The following TSHZ3 variants were observed in gnomAD, a reference collection of about 807,000 sequenced individuals.
The protein encoded by TSHZ3 is teashirt homolog 3.
TSHZ3 carries 10 observed loss-of-function variants against 64.5 expected under a neutral mutation model. The observed-to-expected ratio is 0.16, with a 90% CI of 0.10 to 0.26. The LOEUF (loss-of-function observed/expected upper bound fraction) is 0.26, where lower values mean the gene tolerates loss of function less well. TSHZ3 is among the 10% of genes least tolerant of loss of function. TSHZ3 has a pLI of 1.00. For missense variants in TSHZ3, 1,242 were observed against 1,421.7 expected (o/e 0.87, Z 2.03); for synonymous variants, 608 against 593.1 (o/e 1.03, Z -0.36).
chr19:31,317,617 C>T (rs1916639798), intron 1 of TSHZ3, among the ~76,000 whole-genome samples: 3 of 152,190 alleles, frequency 2.0e-5, no homozygotes, highest in Admixed American at 2.0e-4. Flanking sequence ...TAAGGTGCAC[C>T]AAGCCAGGTG....
intron 1 of TSHZ3, among the ~76,000 whole-genome samples, chr19:31,268,357 C>A (rs1024959333): frequency 2.6e-5 from 4 of 152,256 alleles, no homozygotes; most frequent in African/African-American, 9.6e-5. Flanking sequence ...TCTCATGAAA[C>A]CAGAGCCCCA....
At chr19:31,285,575 G>A (rs747606854) in intron 1 of TSHZ3, among the ~76,000 whole-genome samples, 7 of 151,508 alleles carry the variant, frequency 4.6e-5, no homozygotes, top group African/African-American at 1.7e-4. Context: ...CTGAGCTCAG[G>A]AGATTGAGAC....
At chr19:31,213,796 C>T (rs536468418) in intron 4 of TSHZ3, among the ~76,000 whole-genome samples, 5 of 152,300 alleles carry the variant, frequency 3.3e-5, no homozygotes, top group African/African-American at 7.2e-5. Context: ...TGGCACTTAG[C>T]GCACGTTTGG....
chr19:31,271,692 G>T (rs1362571560), downstream of TSHZ3, among the ~76,000 whole-genome samples: 2 of 152,186 alleles, frequency 1.3e-5, no homozygotes. Flanking sequence ...ATGCTGAAAG[G>T]CATCCACCAG....
chr19:31,349,914 CGGCCCCA>C (rs1054092058), upstream of TSHZ3, among the ~76,000 whole-genome samples: 2 of 146,726 alleles, frequency 1.4e-5, no homozygotes, highest in African/African-American at 4.9e-5. Context: ...CCCCCGCCCC[CGGCCCCA>C]GGCCCGCGTG....
chr19:31,233,544 T>G (rs954451550), intron 3 of TSHZ3, among the ~76,000 whole-genome samples: 2 of 152,208 alleles, frequency 1.3e-5, no homozygotes. Context: ...GTTTGTTATG[T>G]CTTTTTCTTG....
At chr19:31,247,356 T>G (rs538985692) in intron 1 of TSHZ3, among the ~76,000 whole-genome samples, 1 of 152,142 alleles carries the variant, frequency 6.6e-6, no homozygotes, top group Non-Finnish European at 1.5e-5. Context: ...CAAAGCTACA[T>G]CTTGTGCCCC....
intron 1 of TSHZ3, among the ~76,000 whole-genome samples, chr19:31,329,485 T>A (rs1020621840): frequency 6.6e-6 from 1 of 152,158 alleles, no homozygotes; most frequent in Non-Finnish European, 1.5e-5. Flanking sequence ...TTAGGCAGAG[T>A]GGAGGCATCT....
intron 1 of TSHZ3, among the ~76,000 whole-genome samples, chr19:31,293,088 T>A (rs1976602502): frequency 6.6e-6 from 1 of 151,452 alleles, no homozygotes. Flanking sequence ...AATCCATCCA[T>A]CCATCCATCC....
chr19:31,325,498 A>T lies in TSHZ3; in HGVS notation c.40+23682T>A, dbSNP rs1301870353. On this transcript the variant is annotated intron_variant, in intron 1 of 1. Transcript: ENST00000240587. Reference sequence around the variant, plus strand: ...TTCTGGGTGCCTGCTGAGCGAGAGAAGGGGTTGCTGACTGTGATGCTGTCC... The same window carrying T: ...TTCTGGGTGCCTGCTGAGCGAGAGATGGGGTTGCTGACTGTGATGCTGTCC... 2.0e-5 allele frequency among the ~76,000 whole-genome samples: 3 copies of T among 152,182 alleles called. No homozygotes were observed. In the East Asian group the frequency reaches 5.8e-4, roughly 29 times the overall value.
intron 3 of TSHZ3, among the ~76,000 whole-genome samples, chr19:31,241,099 C>T (rs994127096): frequency 1.3e-5 from 2 of 152,172 alleles, no homozygotes; most frequent in African/African-American, 4.8e-5. Flanking sequence ...ACACTGCACA[C>T]CACAGATTAT....
At chr19:31,317,941 C>T (rs1485886756) in intron 1 of TSHZ3, among the ~76,000 whole-genome samples, 1 of 152,214 alleles carries the variant, frequency 6.6e-6, no homozygotes, top group African/African-American at 2.4e-5. Context: ...CATTCGGCTG[C>T]AGGACTGTAA....
intron 5 of TSHZ3, among the ~76,000 whole-genome samples, chr19:31,196,722 C>T (rs1974999137): frequency 1.3e-5 from 2 of 151,830 alleles, no homozygotes; most frequent in South Asian, 4.2e-4. Flanking sequence ...TAAAGAATGG[C>T]ATTGCATAAT....
intron 5 of TSHZ3, among the ~76,000 whole-genome samples, chr19:31,171,215 C>T (rs903463691): frequency 2.6e-5 from 4 of 152,090 alleles, no homozygotes; most frequent in Admixed American, 6.6e-5. Context: ...TATTTGTTTG[C>T]CATTGTCCTG....
At chr19:31,342,731 C>A (rs953294713) in intron 1 of TSHZ3, among the ~76,000 whole-genome samples, 2 of 152,180 alleles carry the variant, frequency 1.3e-5, no homozygotes, top group African/African-American at 4.8e-5. Context: ...CCTTTGCTCT[C>A]CATTAAGGAT....
chr19:31,342,811 T>C (rs1784890079), intron 1 of TSHZ3, among the ~76,000 whole-genome samples: 1 of 152,228 alleles, frequency 6.6e-6, no homozygotes, highest in African/African-American at 2.4e-5. Context: ...CTTGTAAACA[T>C]GACCTTCTGG....
At chr19:31,217,345 A>G (rs1347531544) in intron 4 of TSHZ3, among the ~76,000 whole-genome samples, 1 of 152,172 alleles carries the variant, frequency 6.6e-6, no homozygotes, top group East Asian at 1.9e-4. Context: ...GATGAGGTCA[A>G]GGAGATGGGC....
intron 4 of TSHZ3, among the ~76,000 whole-genome samples, chr19:31,210,692 C>T (rs927198186): frequency 1.4e-4 from 21 of 152,264 alleles, no homozygotes; most frequent in Admixed American, 1.4e-3. Context: ...AACTCAGGAA[C>T]CCACGCGTAC....
At chr19:31,169,444 G>A (rs1163134431) in intron 5 of TSHZ3, among the ~76,000 whole-genome samples, 1 of 152,182 alleles carries the variant, frequency 6.6e-6, no homozygotes, top group Non-Finnish European at 1.5e-5. Flanking sequence ...CACTCCCAAG[G>A]GCTGAGAAGA....
Sources: gnomAD v4.1 joint callset for allele counts (sites outside exome capture counted in the v4.1 genomes callset) on GRCh38, gnomAD v4.1.1 for gene constraint, MANE v1.5 for transcripts, NCBI Gene and HGNC (gene_info 2026-07-23, HGNC 2026-07-21) for gene names.